Variants in ANKRD55 observed in about 807,000 individuals in gnomAD.
ANKRD55 encodes ankyrin repeat domain 55, also known as ankyrin repeat domain-containing protein 55.
A neutral mutation model predicts 60.6 loss-of-function variants in ANKRD55; 41 were observed. The observed-to-expected ratio is 0.68, with a 90% confidence interval of 0.53 to 0.88. The LOEUF (loss-of-function observed/expected upper bound fraction) is 0.88. Among genes scored for constraint, ANKRD55 ranks in the 40% least tolerant of loss-of-function variants. The pLI is 0.00. For missense variants in ANKRD55, 732 were observed against 767.6 expected, an observed-to-expected ratio of 0.95 and a Z score of 0.55; for synonymous variants, 264 against 290.3, an observed-to-expected ratio of 0.91 and a Z score of 0.92.
chr5:56,199,823 G>A lies in ANKRD55; in HGVS notation c.59-16189C>T, dbSNP rs553360440. On this transcript the variant is annotated intron_variant, in intron 2 of 11. Coordinates refer to ENST00000341048, the MANE Select transcript of ANKRD55 (RefSeq NM_024669.3). ...GGAGAATGGCATGAACCCGGGTGGT[G>A]GAGCTTGCAGTGAGCCGAGATCGCA... Among the ~76,000 whole-genome samples, 15 of 151,402 alleles carry A rather than the reference G, an allele frequency of 9.9e-5. 1 individual carries two copies. The South Asian group carries it at 3.1e-3, about 32-fold the overall frequency.
chr5:56,205,916 C>T (rs567080683), intron 2 of ANKRD55, among the ~76,000 whole-genome samples: 171 of 151,910 alleles, frequency 1.1e-3, no homozygotes, highest in African/African-American at 3.9e-3. Context: ...GGGGTGCCTT[C>T]CTTTTCTGAA....
At chr5:56,111,076 TA>T in intron 10 of ANKRD55, 41 bp downstream of exon 10, 3 of 1,583,572 alleles carry the variant, frequency 1.9e-6, no homozygotes, top group Non-Finnish European at 2.6e-6. Context: ...ACATTTCCAG[TA>T]TAGAGCCTGC....
chr5:56,154,382 T>C (rs1758140011), intron 6 of ANKRD55, among the ~76,000 whole-genome samples: 1 of 152,006 alleles, frequency 6.6e-6, no homozygotes, highest in African/African-American at 2.4e-5. Flanking sequence ...AGCAGCCAAA[T>C]ACAGGAACTC....
chr5:56,153,653 C>T (rs1179867937), intron 6 of ANKRD55, among the ~76,000 whole-genome samples: 1 of 151,640 alleles, frequency 6.6e-6, no homozygotes, highest in Non-Finnish European at 1.5e-5. Context: ...GCCTGGCCAA[C>T]ATGGTGAAAC....
intron 5 of ANKRD55, among the ~76,000 whole-genome samples, chr5:56,168,937 A>T (rs1758546538): frequency 6.6e-6 from 1 of 152,122 alleles, no homozygotes; most frequent in Non-Finnish European, 1.5e-5. Flanking sequence ...GCTCACTGCA[A>T]CCTCCGCCTC....
At chr5:56,207,930 T>C (rs1234975676) in intron 2 of ANKRD55, among the ~76,000 whole-genome samples, 1 of 152,260 alleles carries the variant, frequency 6.6e-6, no homozygotes, top group African/African-American at 2.4e-5. Context: ...CTCTTAAAAT[T>C]TGTTTCAACT....
chr5:56,116,646 C>G lies in ANKRD55; in HGVS notation c.934G>C (p.Ala312Pro), dbSNP rs1156958210. The G allele has an allele frequency of 1.2e-6, 2 of 1,605,368 alleles. No individual in the cohort carries two copies. Among genetic ancestry groups the G allele is most frequent in the Non-Finnish European group, 1.7e-6 (2 of 1,176,406 alleles). Residue 312 changes from alanine to proline, a missense_variant, in exon 9 of 12, where the codon GCG (alanine) becomes CCG (proline). Physicochemically the swap from Ala to Pro is conservative, Grantham distance 27. Coordinates refer to ENST00000341048, the MANE Select transcript of ANKRD55 (RefSeq NM_024669.3). Reference sequence around the variant, plus strand: ...TCTTGGGAGAGGAGTTTGACACACGCCGTGTGACCGCAGTACAGGGCATAG... The same window carrying G: ...TCTTGGGAGAGGAGTTTGACACACGGCGTGTGACCGCAGTACAGGGCATAG... ...LAYALYCGHT[A>P]CVKLLSQESR... is the part of the protein sequence containing the mutation.
intron 8 of ANKRD55, among the ~76,000 whole-genome samples, chr5:56,119,849 T>G: frequency 6.6e-6 from 1 of 151,964 alleles, no homozygotes; most frequent in East Asian, 1.9e-4. Context: ...CCTAGAGAGG[T>G]TGAGGCTTCA....
rs113106726 is a variant in ANKRD55 at position 56,134,940 on chromosome 5, T to C, written c.613-7834A>G. Among the ~76,000 whole-genome samples the C allele has an allele frequency of 2.1e-3, 325 of 152,290 alleles. 4 individuals carry two copies. The highest frequency in any genetic ancestry group is 7.6e-3 in the African/African-American group (314 of 41,560). ...TTTATCCAAGGTATGCAAGTGTAGC[T>C]CAACATTTTCAAATCAATTAATGTA... On this transcript the variant is annotated intron_variant, in intron 7 of 11. Transcript: ENST00000341048.
At chr5:56,135,292 T>TGCCTGCCTGCCTGCC (rs1323430580) in intron 7 of ANKRD55, among the ~76,000 whole-genome samples, 1 of 82,486 alleles carries the variant, frequency 1.2e-5, no homozygotes, top group East Asian at 3.7e-4. Flanking sequence ...GCCTGCCTGC[T>TGCCTGCCTGCCTGCC]TGCTTTCTTT....
intron 2 of ANKRD55, among the ~76,000 whole-genome samples, chr5:56,196,927 A>G (rs1382504079): frequency 6.6e-6 from 1 of 152,076 alleles, no homozygotes; most frequent in Non-Finnish European, 1.5e-5. Context: ...TGGAAATGCA[A>G]CCTCTCTCAG....
chr5:56,108,313 T>C (rs1370700299), intron 10 of ANKRD55: 2 of 152,180 alleles, frequency 1.3e-5, no homozygotes, highest in African/African-American at 4.8e-5. Context: ...GATTTTCAGA[T>C]TTTCACATGA....
chr5:56,135,222 C>A (rs1364326998), intron 7 of ANKRD55, among the ~76,000 whole-genome samples: 15 of 36,434 alleles, frequency 4.1e-4, no homozygotes, highest in Admixed American at 1.0e-3. Flanking sequence ...TTCCTTCCTT[C>A]CTTCCTTCCT....
intron 10 of ANKRD55, among the ~76,000 whole-genome samples, chr5:56,104,564 G>C (rs73126450): frequency 0.038 from 5,760 of 152,174 alleles, 371 homozygotes; most frequent in African/African-American, 0.13. Context: ...GGAGTGTTCA[G>C]CTTTGGGGAC....
chr5:56,160,245 A>AT (rs997299599), intron 5 of ANKRD55, among the ~76,000 whole-genome samples: 1 of 152,000 alleles, frequency 6.6e-6, no homozygotes, highest in African/African-American at 2.4e-5. Flanking sequence ...TATTATTATG[A>AT]TTTTTTTCTT....
At chr5:56,166,820 C>T (rs1232234770) in intron 5 of ANKRD55, among the ~76,000 whole-genome samples, 2 of 152,186 alleles carry the variant, frequency 1.3e-5, no homozygotes, top group African/African-American at 4.8e-5. Flanking sequence ...ATTCCTTCTT[C>T]AGTAGAAATA....
chr5:56,106,493 G>A lies in ANKRD55; in HGVS notation c.1631-3907C>T, dbSNP rs531618468. On this transcript the variant is annotated intron_variant, in intron 10 of 11. Transcript: ENST00000341048. Reference sequence around the variant, plus strand: ...CAGGCTGGAGTGCAGGTGCGATCTCGGCTCACTGCAACCTCTGCCTCCTGA... The same window carrying A: ...CAGGCTGGAGTGCAGGTGCGATCTCAGCTCACTGCAACCTCTGCCTCCTGA... 3.4e-4 allele frequency among the ~76,000 whole-genome samples: 49 copies of A among 142,810 alleles called. No individual in the cohort carries two copies. In the East Asian group the frequency reaches 9.3e-3, roughly 27 times the overall value. 93.7% of individuals were successfully genotyped at this position (142,810 alleles called of 152,430 possible). A position where few individuals can be genotyped will look rare whatever the true frequency, so the allele number is the denominator to read the frequency against.
rs1287491608 is a variant in ANKRD55, at chr5:56,100,058, A to G, written c.*125T>C. ...TTTGGAATAAAGAATTTCGAGTTAT[A>G]AAACTGATGGCTTATAGAATGCAGC... On this transcript the variant is annotated 3_prime_UTR_variant, in exon 12 of 12. Transcript: ENST00000341048. 7.7e-7 allele frequency: 1 copy of G among 1,304,326 alleles called. No individual in the cohort carries two copies. The highest frequency in any genetic ancestry group is 1.1e-6 in the Non-Finnish European group (1 of 931,884). 80.8% of individuals were successfully genotyped at this position (1,304,326 alleles called of 1,614,324 possible).
At chr5:56,160,839 AG>A (rs1758310335) in intron 5 of ANKRD55, 1 of 152,242 alleles carries the variant, frequency 6.6e-6, no homozygotes, top group Non-Finnish European at 1.5e-5. Flanking sequence ...CATCTGGGAG[AG>A]GGGGGCAGCC....
Sources: gnomAD v4.1 joint callset for allele counts (sites outside exome capture counted in the v4.1 genomes callset) on GRCh38, gnomAD v4.1.1 for gene constraint, MANE v1.5 for transcripts, NCBI Gene and HGNC (gene_info 2026-07-23, HGNC 2026-07-21) for gene names.